ZNF429: variants seen among roughly 807,000 people sequenced by gnomAD.
The protein encoded by ZNF429 is zinc finger protein 429.
Under a neutral mutation model 56.8 loss-of-function variants are expected in ZNF429, and 53 were observed. The ratio of observed to expected loss-of-function variants is 0.93; its 90% CI spans 0.75 to 1.17. The LOEUF (loss-of-function observed/expected upper bound fraction) is 1.17, where lower values mean the gene tolerates loss of function less well. Among genes scored for constraint, ZNF429 ranks in the 50% most tolerant of loss-of-function variants. The probability of loss-of-function intolerance (pLI) is 0.00; values close to 1 mark genes in which losing one functional copy is unlikely to be tolerated. For missense variants in ZNF429, 849 were observed against 788.4 expected, an observed-to-expected ratio of 1.08 and a Z score of -0.92; for synonymous variants, 278 against 264.7, an observed-to-expected ratio of 1.05 and a Z score of -0.49.
intron 1 of ZNF429, among the ~76,000 whole-genome samples, chr19:21,511,249 G>A (rs1413530237): frequency 6.6e-6 from 1 of 151,780 alleles, no homozygotes; most frequent in Non-Finnish European, 1.5e-5. Context: ...GGCTGGCCCG[G>A]TGGGGGGCTG....
intron 1 of ZNF429, among the ~76,000 whole-genome samples, chr19:21,507,146 C>T (rs1255152901): frequency 1.3e-5 from 2 of 152,104 alleles, no homozygotes; most frequent in East Asian, 3.9e-4. Flanking sequence ...ACTATTTTCA[C>T]TCCCTACACA....
chr19:21,527,944 T>C (rs2033227331), intron 1 of ZNF429, among the ~76,000 whole-genome samples: 1 of 152,202 alleles, frequency 6.6e-6, no homozygotes, highest in Non-Finnish European at 1.5e-5. Context: ...CATTTAGTAC[T>C]TGCAAGCCTT....
At chr19:21,526,942 C>A (rs533465375) in intron 1 of ZNF429, among the ~76,000 whole-genome samples, 2 of 152,314 alleles carry the variant, frequency 1.3e-5, no homozygotes, top group African/African-American at 4.8e-5. Context: ...TCTAGTCCTG[C>A]CTCCCATCCA....
chr19:21,516,615 CTTT>C (rs1419469726), intron 1 of ZNF429, among the ~76,000 whole-genome samples: 1 of 152,108 alleles, frequency 6.6e-6, no homozygotes, highest in Non-Finnish European at 1.5e-5. Flanking sequence ...GTTCTGACTT[CTTT>C]AAGAAGTGTT....
intron 1 of ZNF429, among the ~76,000 whole-genome samples, chr19:21,509,851 A>G (rs903966980): frequency 6.6e-5 from 10 of 152,230 alleles, no homozygotes; most frequent in Non-Finnish European, 1.5e-4. Context: ...AATACCAACC[A>G]TAAGAGCTTT....
At chr19:21,512,268 G>A (rs1198240229) in intron 1 of ZNF429, among the ~76,000 whole-genome samples, 3 of 152,242 alleles carry the variant, frequency 2.0e-5, no homozygotes, top group Non-Finnish European at 4.4e-5. Context: ...TACTCTCAGG[G>A]CCATCTTGGT....
chr19:21,510,889 G>C (rs796457671), intron 1 of ZNF429, among the ~76,000 whole-genome samples: 1 of 152,042 alleles, frequency 6.6e-6, no homozygotes, highest in Non-Finnish European at 1.5e-5. Flanking sequence ...GAGAGCACAG[G>C]GTTGGGGGTA....
intron 1 of ZNF429, among the ~76,000 whole-genome samples, chr19:21,526,485 T>C (rs1225847992): frequency 6.6e-6 from 1 of 152,218 alleles, no homozygotes; most frequent in African/African-American, 2.4e-5. Flanking sequence ...TATTGTGGTT[T>C]TACCTTTTAA....
chr19:21,520,056 A>G (rs1162396167), intron 1 of ZNF429, among the ~76,000 whole-genome samples: 1 of 151,948 alleles, frequency 6.6e-6, no homozygotes, highest in Non-Finnish European at 1.5e-5. Context: ...ATGAAGTTTC[A>G]CCATCTTGGC....
Position 21,538,847 on chromosome 19 carries a change from G to C in ZNF429, c.*769G>C, listed in dbSNP as rs2033823596. Among the ~76,000 whole-genome samples, 1 of 152,134 alleles carries C rather than the reference G, an allele frequency of 6.6e-6. No homozygotes were observed. The highest frequency in any genetic ancestry group is 6.5e-5 in the Admixed American group (1 of 15,272). On this transcript the variant is annotated 3_prime_UTR_variant, in exon 4 of 4. Coordinates refer to ENST00000358491, the MANE Select transcript of ZNF429 (RefSeq NM_001001415.4). ...AGTGCAATTACTGTCAAACAATCTT[G>C]TAGAAAATATCATCCTTTAAAGTGA...
At chr19:21,528,834 G>A (rs2033263730) in intron 1 of ZNF429, among the ~76,000 whole-genome samples, 1 of 152,118 alleles carries the variant, frequency 6.6e-6, no homozygotes, top group African/African-American at 2.4e-5. Flanking sequence ...ACATCAGTGA[G>A]GCTATGTCTT....
At chr19:21,513,842 C>T (rs2032613472) in intron 1 of ZNF429, among the ~76,000 whole-genome samples, 1 of 152,086 alleles carries the variant, frequency 6.6e-6, no homozygotes, top group Non-Finnish European at 1.5e-5. Context: ...CACGTGATTC[C>T]CACCCACTCA....
Position 21,524,169 on chromosome 19 carries a change from G to A in ZNF429, c.4-5489G>A, listed in dbSNP as rs150723333. Among the ~76,000 whole-genome samples the A allele has an allele frequency of 2.0e-3, 303 of 152,292 alleles. 3 individuals are homozygous for A. The highest frequency in any genetic ancestry group is 7.1e-3 in the African/African-American group (295 of 41,564). On this transcript the variant is annotated intron_variant, in intron 1 of 3. Transcript: ENST00000358491. ...TGTCAGATTCAGTAAGTGTAAACAA[G>A]CATCGTAGGAGTGAGATCAAGGCCA...
intron 3 of ZNF429, among the ~76,000 whole-genome samples, chr19:21,531,122 AAAAAAAAC>A: frequency 9.9e-5 from 2 of 20,214 alleles, no homozygotes; most frequent in African/African-American, 2.3e-4. Context: ...AAAAAAAAAA[AAAAAAAAC>A]CAAAAAAAAA....
intron 1 of ZNF429, among the ~76,000 whole-genome samples, chr19:21,524,118 A>C (rs1056029300): frequency 3.3e-5 from 5 of 152,226 alleles, no homozygotes; most frequent in African/African-American, 1.2e-4. Context: ...GTTGTGTGAG[A>C]GGCTTCTGGT....
intron 1 of ZNF429, among the ~76,000 whole-genome samples, chr19:21,511,553 T>C (rs1450378386): frequency 5.4e-5 from 8 of 148,848 alleles, no homozygotes; most frequent in Non-Finnish European, 5.9e-5. Flanking sequence ...ACTTCCTAGA[T>C]GGGATGGCGG....
Position 21,537,842 on chromosome 19 carries a change from G to C in ZNF429, c.1789G>C (p.Glu597Gln). The stretch of plus-strand genomic sequence containing the variant: ...TGGAGAGAAACCCTACAAATGTGAA[G>C]AATGTGGCAAAGCTTTTAATCGGTC... The part of the protein sequence containing the change: ...HSGEKPYKCE[E>Q]CGKAFNRSSR... The change falls in exon 4 of 4, where the codon GAA becomes CAA. Residue 597 changes from glutamate to glutamine, a missense_variant. Transcript: ENST00000358491. The C allele has an allele frequency of 6.2e-7, 1 of 1,613,638 alleles. No individual in the cohort carries two copies. Among genetic ancestry groups the C allele is most frequent in the South Asian group, 1.1e-5 (1 of 91,072 alleles).
At position 21,538,151 on chromosome 19, in the gene ZNF429, C is replaced by T; in HGVS notation, c.*73C>T. On this transcript the variant is annotated 3_prime_UTR_variant, in exon 4 of 4. Coordinates refer to ENST00000358491, the MANE Select transcript of ZNF429 (RefSeq NM_001001415.4). ...AAAATTAGCCAGGCGTGGTGGTGGG[C>T]ACTTGTAGTCCCACCTACTCGGGAG... 1.5e-6 allele frequency: 1 copy of T among 662,292 alleles called. No individual in the cohort carries two copies. The highest frequency in any genetic ancestry group is 2.1e-5 in the South Asian group (1 of 48,174). The allele number at this position is 662,292 out of a possible 1,614,324, so 41.0% of individuals were successfully genotyped here. A position where few individuals can be genotyped will look rare whatever the true frequency, so the allele number is the denominator to read the frequency against.
chr19:21,540,664 TTAAA>T (rs921030778), exon 4 of ZNF429, among the ~76,000 whole-genome samples: 3 of 145,514 alleles, frequency 2.1e-5, no homozygotes, highest in African/African-American at 7.6e-5. Flanking sequence ...TTTCTGAGTC[TTAAA>T]TAGATATTTT....
Sources: allele counts gnomAD v4.1 joint callset (sites outside exome capture counted in the v4.1 genomes callset), GRCh38; gene constraint gnomAD v4.1.1; transcripts MANE v1.5; gene names NCBI Gene and HGNC (gene_info 2026-07-23, HGNC 2026-07-21).